The following ASAP2 variants were observed in gnomAD, a reference collection of about 807,000 sequenced individuals.
ASAP2 encodes the protein ArfGAP with SH3 domain, ankyrin repeat and PH domain 2.
In ASAP2, 45 loss-of-function variants were observed where a neutral mutation model predicts 131.4. That is an observed-to-expected ratio of 0.34 (90% confidence interval 0.27 to 0.44). The LOEUF (loss-of-function observed/expected upper bound fraction) is 0.44, where lower values mean the gene tolerates loss of function less well. Ranked by LOEUF, ASAP2 falls within the 20% of genes least tolerant of loss-of-function variation. The pLI, the probability that ASAP2 is intolerant of heterozygous loss-of-function variation, is 1.00. For missense variants in ASAP2, 1,011 were observed against 1,297.0 expected, an observed-to-expected ratio of 0.78 and a Z score of 3.39; for synonymous variants, 510 against 503.0, an observed-to-expected ratio of 1.01 and a Z score of -0.19.
At chr2:9,320,387 A>G (rs1184342212) in intron 5 of ASAP2, 50 bp downstream of exon 5, 2 of 1,419,596 alleles carry the variant, frequency 1.4e-6, no homozygotes, top group Non-Finnish European at 2.0e-6. Context: ...GGGATTTCAA[A>G]TTTAAACCAA....
At chr2:9,400,485 C>T (rs1474961119) in intron 25 of ASAP2, among the ~76,000 whole-genome samples, 1 of 148,604 alleles carries the variant, frequency 6.7e-6, no homozygotes, top group African/African-American at 2.5e-5. Flanking sequence ...GCCTCTGAGA[C>T]CCCTGCTCCT....
intron 1 of ASAP2, among the ~76,000 whole-genome samples, chr2:9,216,810 G>A (rs1281050123): frequency 1.3e-5 from 2 of 151,776 alleles, no homozygotes; most frequent in African/African-American, 4.8e-5. Flanking sequence ...CCATGTCATG[G>A]CTGGTCTTGA....
At chr2:9,397,458 G>A (rs750557322) in intron 24 of ASAP2, among the ~76,000 whole-genome samples, 2 of 152,112 alleles carry the variant, frequency 1.3e-5, no homozygotes, top group East Asian at 1.9e-4. Flanking sequence ...GGGGATGGAC[G>A]GAGCCATGTC....
At chr2:9,275,084 T>TTTTTG (rs553213895) in intron 1 of ASAP2, among the ~76,000 whole-genome samples, 14,828 of 147,356 alleles carry the variant, frequency 0.1, 787 homozygotes, top group Admixed American at 0.14. Context: ...ATTTGTCTGT[T>TTTTTG]TTTTTTTTTT....
At chr2:9,358,151 A>T (rs920747839) in intron 14 of ASAP2, among the ~76,000 whole-genome samples, 17 of 152,210 alleles carry the variant, frequency 1.1e-4, no homozygotes, top group Non-Finnish European at 2.1e-4. Flanking sequence ...TGTCTCTGCC[A>T]TATAGTGAGA....
At chr2:9,397,988 G>C (rs945030512) in intron 24 of ASAP2, among the ~76,000 whole-genome samples, 1 of 151,152 alleles carries the variant, frequency 6.6e-6, no homozygotes, top group Non-Finnish European at 1.5e-5. Context: ...TCGATCTCCT[G>C]ACCTCATGAT....
At chr2:9,337,274 G>C (rs1671272336) in intron 9 of ASAP2, among the ~76,000 whole-genome samples, 1 of 152,218 alleles carries the variant, frequency 6.6e-6, no homozygotes, top group Non-Finnish European at 1.5e-5. Flanking sequence ...GCTCTGCGTT[G>C]CTTTTAGGTG....
At chr2:9,333,016 C>T (rs1401160568) in intron 7 of ASAP2, among the ~76,000 whole-genome samples, 3 of 152,230 alleles carry the variant, frequency 2.0e-5, no homozygotes, top group Non-Finnish European at 4.4e-5. Context: ...GTGTGTCCCT[C>T]TCCTTCCTCC....
At position 9,314,454 on chromosome 2, in the gene ASAP2, C is replaced by T. The variant is rs112741445; in HGVS notation, c.346-4070C>T. Among the ~76,000 whole-genome samples, 1,484 of 152,074 alleles carry T rather than the reference C, an allele frequency of 9.8e-3. 29 individuals carry two copies. Among genetic ancestry groups the T allele is most frequent in the African/African-American group, 0.034 (1,410 of 41,488 alleles). On this transcript the variant is annotated intron_variant, in intron 3 of 27. Transcript: ENST00000281419. ...ATTCTGTCTTTCACATATTCGATGC[C>T]CAAAAAAATATTTCAGTATACTGAT...
chr2:9,379,067 G>A lies in ASAP2; in HGVS notation c.1948+8G>A, dbSNP rs2148732145. 1 of 1,519,600 alleles carries A rather than the reference G, an allele frequency of 6.6e-7. No individual in the cohort carries two copies. Among genetic ancestry groups the A allele is most frequent in the Non-Finnish European group, 8.8e-7 (1 of 1,132,048 alleles). The allele number at this position is 1,519,600 out of a possible 1,614,324, so 94.1% of individuals were successfully genotyped here. A position where few individuals can be genotyped will look rare whatever the true frequency, so the allele number is the denominator to read the frequency against. On this transcript the variant is annotated splice_region_variant and intron_variant, in intron 19 of 27. Coordinates refer to ENST00000281419, the MANE Select transcript of ASAP2 (RefSeq NM_003887.3). Reference sequence around the variant, plus strand: ...AGGCCTCCATCGAGATAGGTGAGTGGGCCCGGGCCCCGGGGGTGGGCTCAG... The same window carrying A: ...AGGCCTCCATCGAGATAGGTGAGTGAGCCCGGGCCCCGGGGGTGGGCTCAG...
At chr2:9,344,231 A>C (rs1671796545) in intron 9 of ASAP2, among the ~76,000 whole-genome samples, 1 of 152,012 alleles carries the variant, frequency 6.6e-6, no homozygotes. Flanking sequence ...GCCTCATGTC[A>C]CTGTCAGGGG....
At chr2:9,335,581 G>A (rs1338319096) in intron 9 of ASAP2, among the ~76,000 whole-genome samples, 1 of 152,170 alleles carries the variant, frequency 6.6e-6, no homozygotes, top group Non-Finnish European at 1.5e-5. Flanking sequence ...GGGACCAGCT[G>A]GGGCTCTGCC....
chr2:9,233,217 A>G (rs541109581), intron 1 of ASAP2, among the ~76,000 whole-genome samples: 3 of 152,200 alleles, frequency 2.0e-5, no homozygotes, highest in Non-Finnish European at 4.4e-5. Flanking sequence ...TGACAATTAT[A>G]ATGAAGGCTG....
At chr2:9,390,518 T>C (rs1675634798) in intron 22 of ASAP2, among the ~76,000 whole-genome samples, 1 of 152,228 alleles carries the variant, frequency 6.6e-6, no homozygotes, top group Non-Finnish European at 1.5e-5. Context: ...CACCTGAACC[T>C]GATTGGTGTC....
chr2:9,353,035 T>G (rs942519762), intron 12 of ASAP2, among the ~76,000 whole-genome samples: 1 of 152,174 alleles, frequency 6.6e-6, no homozygotes, highest in Admixed American at 6.5e-5. Context: ...CAGGGGTATG[T>G]GGGTTTGGGT....
At chr2:9,394,470 C>T (rs1001547497) in intron 24 of ASAP2, among the ~76,000 whole-genome samples, 4 of 151,970 alleles carry the variant, frequency 2.6e-5, no homozygotes, top group Non-Finnish European at 5.9e-5. Flanking sequence ...GGCCCCAGTT[C>T]GTGGCTCTTA....
intron 11 of ASAP2, among the ~76,000 whole-genome samples, chr2:9,349,169 T>G (rs150679889): frequency 3.9e-5 from 6 of 152,294 alleles, no homozygotes; most frequent in Non-Finnish European, 7.3e-5. Flanking sequence ...AATAGCTGAG[T>G]AAATGTAGCT....
chr2:9,334,849 T>A (rs889340322), intron 8 of ASAP2, 36 bp downstream of exon 8: 2 of 1,570,912 alleles, frequency 1.3e-6, no homozygotes. Context: ...TTTAAAACCA[T>A]CTTAATGCAA....
chr2:9,401,545 A>G lies in ASAP2; in HGVS notation c.2946+149A>G. On this transcript the variant is annotated intron_variant, in intron 27 of 27. Transcript: ENST00000281419. ...GCCTCCGCCCCTTAGCATCCTCAGGAGCTGCTTCCTCCATGGACACCCCCT... is the reference window on the plus strand; with the variant it reads ...GCCTCCGCCCCTTAGCATCCTCAGGGGCTGCTTCCTCCATGGACACCCCCT... The G allele has an allele frequency of 3.6e-6, 4 of 1,110,210 alleles. No individual in the cohort carries two copies. In the East Asian group the frequency reaches 1.1e-4, roughly 29 times the overall value. The allele number at this position is 1,110,210 out of a possible 1,614,324, so 68.8% of individuals were successfully genotyped here.
Sources: gnomAD v4.1 joint callset for allele counts (sites outside exome capture counted in the v4.1 genomes callset) on GRCh38, gnomAD v4.1.1 for gene constraint, MANE v1.5 for transcripts, NCBI Gene and HGNC (gene_info 2026-07-23, HGNC 2026-07-21) for gene names.